Variants in AOX1 observed in about 807,000 individuals in gnomAD.
AOX1 encodes aldehyde oxidase 1, also known as aldehyde oxidase.
Under a neutral mutation model 169.5 loss-of-function variants are expected in AOX1, and 153 were observed. The observed-to-expected ratio is 0.90, with a 90% CI of 0.79 to 1.03. AOX1 has a LOEUF of 1.03. AOX1 is among the 50% of genes least tolerant of loss of function. The probability of loss-of-function intolerance (pLI) is 0.00; values close to 1 mark genes in which losing one functional copy is unlikely to be tolerated. For missense variants in AOX1, 1,656 were observed against 1,663.9 expected (o/e 1.00, Z 0.08); for synonymous variants, 562 against 581.9 (o/e 0.97, Z 0.49).
chr2:200,638,988 G>A (rs1391020816), intron 23 of AOX1, among the ~76,000 whole-genome samples: 1 of 152,082 alleles, frequency 6.6e-6, no homozygotes, highest in Admixed American at 6.6e-5. Flanking sequence ...CCATTTATTG[G>A]TGCCACTGTG....
intron 28 of AOX1, among the ~76,000 whole-genome samples, chr2:200,659,790 A>T (rs757665689): frequency 2.1e-3 from 164 of 79,996 alleles, no homozygotes; most frequent in Middle Eastern, 6.3e-3. Flanking sequence ...TCTCTCTCAC[A>T]CACACACACA....
At chr2:200,648,532 G>A (rs951341212) in intron 25 of AOX1, among the ~76,000 whole-genome samples, 11 of 152,200 alleles carry the variant, frequency 7.2e-5, no homozygotes, top group African/African-American at 2.7e-4. Flanking sequence ...CCTTAGCTTT[G>A]GTGGTTTATG....
intron 20 of AOX1, among the ~76,000 whole-genome samples, chr2:200,631,214 G>A (rs1243084961): frequency 6.6e-6 from 1 of 152,168 alleles, no homozygotes; most frequent in Non-Finnish European, 1.5e-5. Context: ...ATTTTCAAAT[G>A]AGCCAGCTGA....
At chr2:200,594,387 G>A (rs947714923) in intron 2 of AOX1, among the ~76,000 whole-genome samples, 18 of 152,176 alleles carry the variant, frequency 1.2e-4, no homozygotes, top group Admixed American at 6.5e-4. Flanking sequence ...TTGAAGGGAG[G>A]TCTGTGAGGC....
At chr2:200,618,837 T>G (rs1218428504) in intron 16 of AOX1, among the ~76,000 whole-genome samples, 4 of 152,174 alleles carry the variant, frequency 2.6e-5, no homozygotes, top group Non-Finnish European at 5.9e-5. Flanking sequence ...TAAATCCAAA[T>G]GTTCAGAAAG....
intron 23 of AOX1, 93 bp from the exon 24 acceptor site, chr2:200,641,005 C>T (rs903641001): frequency 1.1e-5 from 9 of 805,094 alleles, no homozygotes; most frequent in East Asian, 2.5e-5. Context: ...AATGTCATGA[C>T]GCTTTTCCCC....
At chr2:200,672,186 G>GA (rs1353543078), downstream of AOX1, among the ~76,000 whole-genome samples, 1 of 152,198 alleles carries the variant, frequency 6.6e-6, no homozygotes, top group Non-Finnish European at 1.5e-5. Flanking sequence ...TTCGGGGTGA[G>GA]AAAAATGTTC....
In AOX1 at chr2:200,623,845, T is replaced by C; in HGVS notation, c.2002-16T>C. ...TGCCTGCCCTCCTTGACAACAAAGGTCTTTCTGTGTCGTAGGTGTTCTGTG... is the reference window on the plus strand; with the variant it reads ...TGCCTGCCCTCCTTGACAACAAAGGCCTTTCTGTGTCGTAGGTGTTCTGTG... On this transcript the variant is annotated splice_polypyrimidine_tract_variant and intron_variant, in intron 18 of 34. Transcript: ENST00000374700. 2.5e-6 allele frequency: 4 copies of C among 1,613,196 alleles called. No homozygotes were observed. The highest frequency in any genetic ancestry group is 3.4e-6 in the Non-Finnish European group (4 of 1,179,858).
intron 27 of AOX1, among the ~76,000 whole-genome samples, chr2:200,657,586 G>A (rs970337391): frequency 6.6e-6 from 1 of 151,778 alleles, no homozygotes; most frequent in Non-Finnish European, 1.5e-5. Context: ...GTTTTTCTTG[G>A]GCAATAAGAT....
chr2:200,594,040 G>T (rs573312478), intron 2 of AOX1, among the ~76,000 whole-genome samples: 2 of 152,206 alleles, frequency 1.3e-5, no homozygotes, highest in South Asian at 4.2e-4. Flanking sequence ...TTCAGGATGT[G>T]GACACCAAAA....
At chr2:200,595,071 AAC>A (rs2034253762) in intron 2 of AOX1, among the ~76,000 whole-genome samples, 199 bp from the exon 3 acceptor site, 1 of 152,354 alleles carries the variant, frequency 6.6e-6, no homozygotes, top group South Asian at 2.1e-4. Context: ...TGCAAGATAT[AAC>A]ACACAAAAGG....
chr2:200,608,894 T>G, intron 10 of AOX1, 90 bp from the exon 11 acceptor site: 1 of 1,184,008 alleles, frequency 8.4e-7, no homozygotes, highest in Non-Finnish European at 1.2e-6. Context: ...GTATCCAGTA[T>G]AAAGATTCTA....
intron 31 of AOX1, among the ~76,000 whole-genome samples, 159 bp downstream of exon 31, chr2:200,663,128 T>G (rs1374500675): frequency 1.3e-5 from 2 of 152,174 alleles, no homozygotes; most frequent in African/African-American, 4.8e-5. Flanking sequence ...TCCCCACAAT[T>G]GCCTTGGTGA....
intron 4 of AOX1, among the ~76,000 whole-genome samples, chr2:200,597,780 G>C (rs552040322): frequency 6.6e-6 from 1 of 152,158 alleles, no homozygotes; most frequent in African/African-American, 2.4e-5. Flanking sequence ...GTTCTAATTC[G>C]ATGGGACCTA....
Position 200,590,862 on chromosome 2 carries a change from C to T in AOX1, c.46-2284C>T, listed in dbSNP as rs537675244. Among the ~76,000 whole-genome samples, 4 of 152,224 alleles carry T rather than the reference C, an allele frequency of 2.6e-5. No individual in the cohort carries two copies. In the South Asian group the frequency reaches 8.3e-4, roughly 32 times the overall value. On this transcript the variant is annotated intron_variant, in intron 1 of 34. Transcript: ENST00000374700. ...GCTTTATGGTGTTATCTGAGACCCACGTTTCTTCTCTCTTTTTTCTCTCCT... is the reference window on the plus strand; with the variant it reads ...GCTTTATGGTGTTATCTGAGACCCATGTTTCTTCTCTCTTTTTTCTCTCCT...
In AOX1 at chr2:200,651,199, C is replaced by G; in HGVS notation, c.3073C>G (p.Gln1025Glu). 1.9e-6 allele frequency: 3 copies of G among 1,613,912 alleles called. No homozygotes were observed. Among genetic ancestry groups the G allele is most frequent in the Non-Finnish European group, 2.5e-6 (3 of 1,179,804 alleles). The change falls in exon 26 of 35, where the codon CAG becomes GAG. Residue 1025 changes from glutamine (Q) to glutamate (E), a missense_variant and splice_region_variant. Transcript: ENST00000374700. The part of the protein sequence containing the change: ...PVGLGSRAAG[Q>E]AAALVHIYLD... ...TGGCCTTGGCTCACGTGCTGCTGGTCAGGTGAGTTCTCCAAATGCACATGA... is the reference window on the plus strand; with the variant it reads ...TGGCCTTGGCTCACGTGCTGCTGGTGAGGTGAGTTCTCCAAATGCACATGA...
intron 31 of AOX1, among the ~76,000 whole-genome samples, chr2:200,666,076 G>A (rs1400819881): frequency 6.6e-6 from 1 of 152,186 alleles, no homozygotes; most frequent in African/African-American, 2.4e-5. Flanking sequence ...GTACAGACTT[G>A]CTGGAAAGCA....
At chr2:200,590,756 A>C (rs2034152048) in intron 1 of AOX1, among the ~76,000 whole-genome samples, 1 of 152,202 alleles carries the variant, frequency 6.6e-6, no homozygotes. Flanking sequence ...TAGGCTACCC[A>C]GACCCTGTCT....
chr2:200,615,924 G>A lies in AOX1; in HGVS notation c.1612-47G>A, dbSNP rs759556467. The A allele has an allele frequency of 2.9e-6, 4 of 1,389,958 alleles. No homozygotes were observed. The South Asian group carries it at 4.7e-5, about 16-fold the overall frequency. The allele number at this position is 1,389,958 out of a possible 1,614,324, so 86.1% of individuals were successfully genotyped here. On this transcript the variant is annotated intron_variant, in intron 15 of 34. Coordinates refer to ENST00000374700, the MANE Select transcript of AOX1 (RefSeq NM_001159.4). ...CTAGCCTCACTTCCAAAATCATTCTGGTGCATTCAAACTATTTAAAATATC... is the reference window on the plus strand; with the variant it reads ...CTAGCCTCACTTCCAAAATCATTCTAGTGCATTCAAACTATTTAAAATATC...
Sources: allele counts gnomAD v4.1 joint callset (sites outside exome capture counted in the v4.1 genomes callset), GRCh38; gene constraint gnomAD v4.1.1; transcripts MANE v1.5; gene names NCBI Gene and HGNC (gene_info 2026-07-23, HGNC 2026-07-21).